The following KMT5B variants were observed in gnomAD, a reference collection of about 807,000 sequenced individuals.
KMT5B encodes lysine methyltransferase 5B, also known as histone-lysine N-methyltransferase KMT5B.
Under a neutral mutation model 83.2 loss-of-function variants are expected in KMT5B, and 10 were observed. That is an observed-to-expected ratio of 0.12 (90% CI 0.07 to 0.20). The LOEUF (loss-of-function observed/expected upper bound fraction) is 0.20, where lower values mean the gene tolerates loss of function less well. KMT5B is among the 10% of genes least tolerant of loss of function. KMT5B has a pLI of 1.00. For missense variants in KMT5B, 753 were observed against 1,067.2 expected, an observed-to-expected ratio of 0.71 and a Z score of 4.10; for synonymous variants, 349 against 388.8, an observed-to-expected ratio of 0.90 and a Z score of 1.20.
chr11:68,174,019 A>G, intron 5 of KMT5B, 106 bp from the exon 6 acceptor site: 1 of 788,042 alleles, frequency 1.3e-6, no homozygotes, highest in Non-Finnish European at 2.2e-6. Context: ...AAAATGTAAG[A>G]TCTAGCCTGA....
At chr11:68,184,913 GT>G (rs1184831709) in intron 3 of KMT5B, among the ~76,000 whole-genome samples, 2 of 152,132 alleles carry the variant, frequency 1.3e-5, no homozygotes, top group Non-Finnish European at 2.9e-5. Flanking sequence ...ATGTAATAAT[GT>G]TTTTTATATA....
At chr11:68,178,841 CCT>C (rs1321487147) in intron 4 of KMT5B, among the ~76,000 whole-genome samples, 1 of 151,956 alleles carries the variant, frequency 6.6e-6, no homozygotes, top group African/African-American at 2.4e-5. Context: ...AGAAAAATAC[CCT>C]CTCTCCTTAA....
intron 1 of KMT5B, among the ~76,000 whole-genome samples, chr11:68,192,278 T>C (rs1858175870): frequency 1.3e-5 from 2 of 152,228 alleles, no homozygotes; most frequent in African/African-American, 2.4e-5. Context: ...CATTAAGCAA[T>C]GCATGACTAT....
chr11:68,158,495 T>C lies in KMT5B; in HGVS notation c.1851A>G (p.Gly617=). The C allele has an allele frequency of 6.2e-7, 1 of 1,614,210 alleles. No homozygotes were observed. The highest frequency in any genetic ancestry group is 1.1e-5 in the South Asian group (1 of 91,086). Residue 617 remains glycine (G), a synonymous_variant, in exon 11 of 11, where the codon GGA becomes GGG. Coordinates refer to ENST00000304363, the MANE Select transcript of KMT5B (RefSeq NM_017635.5). ...TTTTTGCAAACTGTTTCACAAGTTT[T>C]CCTTGTCGTGACTTCTTTTTGGACA... ...TGMSKKKSRQ[G]KLVKQFAKIE...
At chr11:68,194,299 C>G (rs188929736) in intron 1 of KMT5B, among the ~76,000 whole-genome samples, 1 of 149,978 alleles carries the variant, frequency 6.7e-6, no homozygotes, top group Non-Finnish European at 1.5e-5. Flanking sequence ...TCAAGCTATT[C>G]TCATGCCTCA....
At chr11:68,161,458 C>T (rs1279418267) in intron 10 of KMT5B, among the ~76,000 whole-genome samples, 1 of 152,092 alleles carries the variant, frequency 6.6e-6, no homozygotes, top group Non-Finnish European at 1.5e-5. Context: ...GATTTCTCCT[C>T]TTTCCATTCC....
intron 1 of KMT5B, among the ~76,000 whole-genome samples, chr11:68,200,212 C>T (rs1859260274): frequency 6.6e-6 from 1 of 152,054 alleles, no homozygotes; most frequent in African/African-American, 2.4e-5. Context: ...CAATGAAGTC[C>T]AAGGACTGGG....
At chr11:68,166,924 A>T in intron 10 of KMT5B, 58 bp downstream of exon 10, 1 of 1,599,594 alleles carries the variant, frequency 6.3e-7, no homozygotes, top group Non-Finnish European at 8.5e-7. Flanking sequence ...ACACTTTATA[A>T]AGCAAATTGT....
intron 10 of KMT5B, chr11:68,164,679 C>T: frequency 3.9e-6 from 2 of 514,248 alleles, no homozygotes; most frequent in Non-Finnish European, 7.8e-6. Context: ...TCCAATCATG[C>T]TGCAGAAAGG....
intron 3 of KMT5B, among the ~76,000 whole-genome samples, chr11:68,181,932 C>T (rs568502972): frequency 6.4e-4 from 97 of 152,334 alleles, no homozygotes; most frequent in African/African-American, 2.3e-3. Context: ...GCTGGCATTG[C>T]TAGGAACCCA....
intron 3 of KMT5B, 108 bp downstream of exon 3, chr11:68,185,673 C>T (rs1230839435): frequency 2.5e-6 from 3 of 1,178,018 alleles, no homozygotes; most frequent in East Asian, 5.0e-5. Flanking sequence ...CTGCAAAGAA[C>T]TTTCCTTTAA....
chr11:68,211,478 A>G (rs1288656162), intron 1 of KMT5B, among the ~76,000 whole-genome samples: 1 of 152,240 alleles, frequency 6.6e-6, no homozygotes. Context: ...TTATGTTTGT[A>G]AACAACATTA....
chr11:68,202,546 C>CTT (rs71040602), intron 1 of KMT5B, among the ~76,000 whole-genome samples: 3,992 of 121,898 alleles, frequency 0.033, 226 homozygotes, highest in Admixed American at 0.041. Flanking sequence ...CTAAGACACA[C>CTT]TTTTTTTTTT....
intron 4 of KMT5B, chr11:68,179,818 A>T: frequency 2.5e-6 from 1 of 397,144 alleles, no homozygotes; most frequent in Non-Finnish European, 4.3e-6. Flanking sequence ...TCAGCTCTTC[A>T]GTCCTTCTTG....
At chr11:68,212,987 C>A (rs1591104754) in intron 1 of KMT5B, among the ~76,000 whole-genome samples, 151 bp downstream of exon 1, 1 of 140,704 alleles carries the variant, frequency 7.1e-6, no homozygotes, top group African/African-American at 2.6e-5. Flanking sequence ...CCCCCGCGCC[C>A]GGCCGCTTGC....
At chr11:68,165,881 A>G (rs1348971051) in intron 10 of KMT5B, 2 of 1,612,834 alleles carry the variant, frequency 1.2e-6, no homozygotes, top group Non-Finnish European at 1.7e-6. Flanking sequence ...AGCAGCAGGT[A>G]GATTCAGGAA....
At position 68,157,508 on chromosome 11, in the gene KMT5B, A is replaced by C. The variant is rs1859385056; in HGVS notation, c.*180T>G. On this transcript the variant is annotated 3_prime_UTR_variant, in exon 11 of 11. Coordinates refer to ENST00000304363, the MANE Select transcript of KMT5B (RefSeq NM_017635.5). ...AGAAGGCTATTTAAAAAGTACGATA[A>C]AAATTTGCACAAATCAGACTTAAGA... 1 of 909,678 alleles carries C rather than the reference A, an allele frequency of 1.1e-6. No individual in the cohort carries two copies. The highest frequency in any genetic ancestry group is 1.5e-6 in the Non-Finnish European group (1 of 682,438). 56.4% of individuals were successfully genotyped at this position (909,678 alleles called of 1,614,324 possible). A position where few individuals can be genotyped will look rare whatever the true frequency, so the allele number is the denominator to read the frequency against.
intron 1 of KMT5B, among the ~76,000 whole-genome samples, chr11:68,211,767 A>C (rs1860937333): frequency 6.6e-6 from 1 of 152,208 alleles, no homozygotes; most frequent in Admixed American, 6.5e-5. Flanking sequence ...GGCACGGCCG[A>C]CAGGGACCAG....
chr11:68,208,986 A>C (rs1271734502), intron 1 of KMT5B, among the ~76,000 whole-genome samples: 1 of 152,174 alleles, frequency 6.6e-6, no homozygotes, highest in Non-Finnish European at 1.5e-5. Context: ...CCAAGGGGGA[A>C]AGTGAAGGGG....
Sources: gnomAD v4.1 joint callset for allele counts (sites outside exome capture counted in the v4.1 genomes callset) on GRCh38, gnomAD v4.1.1 for gene constraint, MANE v1.5 for transcripts, NCBI Gene and HGNC (gene_info 2026-07-23, HGNC 2026-07-21) for gene names.